VOPP1: variants seen among roughly 807,000 people sequenced by gnomAD.
VOPP1 encodes WW domain binding protein VOPP1.
A neutral mutation model predicts 23.5 loss-of-function variants in VOPP1; 8 were observed. That is an observed-to-expected ratio of 0.34 (90% CI 0.20 to 0.61). VOPP1 has a LOEUF of 0.61. Among genes scored for constraint, VOPP1 ranks in the 20% least tolerant of loss-of-function variants. The pLI is 0.78. For synonymous variants in VOPP1, 83 were observed against 97.3 expected, an observed-to-expected ratio of 0.85 and a Z score of 0.86; for missense variants, 174 against 238.1, an observed-to-expected ratio of 0.73 and a Z score of 1.77.
intron 4 of VOPP1, among the ~76,000 whole-genome samples, chr7:55,439,753 C>G (rs1294501671): frequency 6.6e-6 from 1 of 152,206 alleles, no homozygotes; most frequent in Non-Finnish European, 1.5e-5. Context: ...AAGTAGGCGC[C>G]AGCTCAGCAG....
chr7:55,477,628 C>G (rs1449528872), intron 4 of VOPP1, among the ~76,000 whole-genome samples: 1 of 152,170 alleles, frequency 6.6e-6, no homozygotes, highest in Non-Finnish European at 1.5e-5. Flanking sequence ...ACCAGAAACA[C>G]CAGCACCTGC....
At chr7:55,544,495 C>A (rs528902568) in intron 1 of VOPP1, among the ~76,000 whole-genome samples, 1 of 152,218 alleles carries the variant, frequency 6.6e-6, no homozygotes, top group East Asian at 1.9e-4. Flanking sequence ...AAAAAACTTG[C>A]GAGAAAAGAT....
At chr7:55,443,736 C>G (rs543986936) in intron 4 of VOPP1, among the ~76,000 whole-genome samples, 48 of 151,112 alleles carry the variant, frequency 3.2e-4, no homozygotes, top group Middle Eastern at 3.4e-3. Flanking sequence ...CCTCTGCCTC[C>G]TGGGTTCAAG....
chr7:55,513,445 C>T (rs116492057), intron 2 of VOPP1, among the ~76,000 whole-genome samples: 2,332 of 152,270 alleles, frequency 0.015, 63 homozygotes, highest in African/African-American at 0.052. Context: ...AATTCCCTAT[C>T]GTCTCAGTGG....
chr7:55,560,934 C>T (rs1797963259), intron 1 of VOPP1, among the ~76,000 whole-genome samples: 1 of 152,226 alleles, frequency 6.6e-6, no homozygotes, highest in Non-Finnish European at 1.5e-5. Context: ...TCCTCTCACT[C>T]ATGATGCACT....
chr7:55,499,825 A>G (rs1384790084), intron 2 of VOPP1, among the ~76,000 whole-genome samples: 1 of 151,978 alleles, frequency 6.6e-6, no homozygotes, highest in African/African-American at 2.4e-5. Flanking sequence ...TGTGAGGGGG[A>G]GTGAGACACC....
At chr7:55,469,223 T>G (rs184152279), downstream of VOPP1, among the ~76,000 whole-genome samples, 135 of 152,282 alleles carry the variant, frequency 8.9e-4, no homozygotes, top group Middle Eastern at 3.4e-3. Flanking sequence ...TAATGAAGCA[T>G]GAAAACTATT....
intron 1 of VOPP1, among the ~76,000 whole-genome samples, chr7:55,563,117 G>T (rs576663060): frequency 1.3e-5 from 2 of 152,036 alleles, no homozygotes; most frequent in African/African-American, 2.4e-5. Context: ...CAATAAAAAT[G>T]ATAAATCAAT....
At chr7:55,480,424 T>C (rs759806838) in intron 4 of VOPP1, among the ~76,000 whole-genome samples, 27 of 152,240 alleles carry the variant, frequency 1.8e-4, no homozygotes, top group Non-Finnish European at 3.8e-4. Context: ...TAATTTATGC[T>C]TTTATTTTTG....
chr7:55,519,729 G>A (rs567427084), intron 2 of VOPP1, among the ~76,000 whole-genome samples: 2 of 152,316 alleles, frequency 1.3e-5, no homozygotes, highest in East Asian at 3.9e-4. Context: ...ACTGACTCCT[G>A]CTTGTCAGTA....
intron 3 of VOPP1, among the ~76,000 whole-genome samples, chr7:55,497,338 C>T (rs901215626): frequency 1.3e-5 from 2 of 152,210 alleles, no homozygotes; most frequent in African/African-American, 4.8e-5. Context: ...CGAGGAGCTG[C>T]TGAAGGATGA....
chr7:55,544,476 A>G (rs17673975), intron 1 of VOPP1, among the ~76,000 whole-genome samples: 12,880 of 152,214 alleles, frequency 0.085, 765 homozygotes, highest in East Asian at 0.24. Flanking sequence ...CATGGTGTCC[A>G]TCGGATGAAA....
At chr7:55,473,909 G>T (rs1047807047) in intron 4 of VOPP1, among the ~76,000 whole-genome samples, 1 of 151,936 alleles carries the variant, frequency 6.6e-6, no homozygotes, top group Non-Finnish European at 1.5e-5. Flanking sequence ...ATTGTGTAGG[G>T]TTTTTTTTCT....
At chr7:55,499,927 T>C (rs190899983) in intron 2 of VOPP1, among the ~76,000 whole-genome samples, 112 of 152,172 alleles carry the variant, frequency 7.4e-4, no homozygotes, top group Non-Finnish European at 1.3e-3. Flanking sequence ...CTGGTGTCGG[T>C]TGATCAATGT....
intron 4 of VOPP1, among the ~76,000 whole-genome samples, chr7:55,441,885 T>C (rs369552582): frequency 9.2e-5 from 14 of 152,174 alleles, no homozygotes; most frequent in East Asian, 5.8e-4. Flanking sequence ...AGATGTGGAA[T>C]TTAATCTAAA....
rs368764616 is a variant in VOPP1 at position 55,572,254 on chromosome 7, C to T, written c.54+17G>A. ...TGGGCGCCGCGCCTCCGGCAGCACC[C>T]GGTCCCCGGCCCCTACCTCCAAGAG... On this transcript the variant is annotated intron_variant, in intron 1 of 4. Coordinates refer to ENST00000285279, the MANE Select transcript of VOPP1 (RefSeq NM_030796.5). 7.5e-4 allele frequency: 1,144 copies of T among 1,518,264 alleles called. 34 individuals carry two copies. In the East Asian group the frequency reaches 0.019, roughly 26 times the overall value. 94.0% of individuals were successfully genotyped at this position (1,518,264 alleles called of 1,614,324 possible).
chr7:55,468,440 G>A (rs892542994), downstream of VOPP1, among the ~76,000 whole-genome samples: 7 of 152,202 alleles, frequency 4.6e-5, no homozygotes, highest in African/African-American at 1.7e-4. Context: ...AAATTGCAGA[G>A]GCACCAAGGA....
At chr7:55,470,058 AG>A (rs1791735565), downstream of VOPP1, among the ~76,000 whole-genome samples, 1 of 152,176 alleles carries the variant, frequency 6.6e-6, no homozygotes, top group Admixed American at 6.5e-5. Context: ...AAAAACAAAA[AG>A]GAAGCAAAAT....
intron 4 of VOPP1, among the ~76,000 whole-genome samples, chr7:55,485,635 G>T (rs915563668): frequency 6.6e-6 from 1 of 152,218 alleles, no homozygotes; most frequent in African/African-American, 2.4e-5. Context: ...TCATAACCCC[G>T]GCTGTCCTGT....
Sources: gnomAD v4.1 joint callset for allele counts (sites outside exome capture counted in the v4.1 genomes callset) on GRCh38, gnomAD v4.1.1 for gene constraint, MANE v1.5 for transcripts, NCBI Gene and HGNC (gene_info 2026-07-23, HGNC 2026-07-21) for gene names.